TENM2: variants seen among roughly 807,000 people sequenced by gnomAD.
TENM2 encodes teneurin-2.
In TENM2, 52 loss-of-function variants were observed where a neutral mutation model predicts 245.2. That is an observed-to-expected ratio of 0.21 (90% CI 0.17 to 0.27). The LOEUF (loss-of-function observed/expected upper bound fraction) is 0.27, where lower values mean the gene tolerates loss of function less well. Ranked by LOEUF, TENM2 falls within the 10% of genes least tolerant of loss-of-function variation. The pLI, the probability that TENM2 is intolerant of heterozygous loss-of-function variation, is 1.00. For synonymous variants in TENM2, 1,363 were observed against 1,438.9 expected (o/e 0.95, Z 1.19); for missense variants, 3,046 against 3,666.8 (o/e 0.83, Z 4.37).
At chr5:167,669,672 T>G (rs998780630) in intron 2 of TENM2, among the ~76,000 whole-genome samples, 10 of 152,012 alleles carry the variant, frequency 6.6e-5, no homozygotes, top group East Asian at 1.9e-4. Context: ...AACTCCAAAT[T>G]AGAGGAAAGT....
chr5:167,775,599 T>C (rs779312145), intron 2 of TENM2, among the ~76,000 whole-genome samples: 1 of 152,196 alleles, frequency 6.6e-6, no homozygotes, highest in Non-Finnish European at 1.5e-5. Context: ...AAATAAGTAC[T>C]TCAGTCAAGG....
chr5:167,446,505 A>C (rs2127468025), intron 2 of TENM2, among the ~76,000 whole-genome samples: 1 of 152,294 alleles, frequency 6.6e-6, no homozygotes, highest in African/African-American at 2.4e-5. Flanking sequence ...AATTTCTTAT[A>C]CCATTCTAAT....
At chr5:167,568,271 C>T (rs957483073) in intron 2 of TENM2, among the ~76,000 whole-genome samples, 3 of 152,048 alleles carry the variant, frequency 2.0e-5, no homozygotes, top group African/African-American at 7.2e-5. Flanking sequence ...GGATAGCATA[C>T]ATTTAACAAA....
chr5:167,078,030 C>G, the TENM2 span, among the ~76,000 whole-genome samples: 1 of 151,044 alleles, frequency 6.6e-6, no homozygotes, highest in South Asian at 2.1e-4. Flanking sequence ...GACTAGAACA[C>G]TAAAAGATAA....
intron 4 of TENM2, among the ~76,000 whole-genome samples, chr5:167,980,955 T>C (rs926687132): frequency 1.3e-5 from 2 of 152,088 alleles, no homozygotes; most frequent in Admixed American, 1.3e-4. Flanking sequence ...TCCTTCCAGT[T>C]GCTGGTAATG....
chr5:167,631,423 T>C (rs1778864627), intron 2 of TENM2, among the ~76,000 whole-genome samples: 1 of 152,036 alleles, frequency 6.6e-6, no homozygotes, highest in African/African-American at 2.4e-5. Context: ...AAGGTCTTAG[T>C]ATAGAACCTG....
intron 10 of TENM2, among the ~76,000 whole-genome samples, chr5:168,122,202 A>C (rs1446859183): frequency 6.6e-6 from 1 of 150,812 alleles, no homozygotes; most frequent in East Asian, 2.0e-4. Context: ...TTTGAGACGG[A>C]GTCTCGCTCT....
At chr5:167,046,366 G>T in the TENM2 span, among the ~76,000 whole-genome samples, 1 of 152,188 alleles carries the variant, frequency 6.6e-6, no homozygotes, top group Admixed American at 6.5e-5. Context: ...TTGATTAAAT[G>T]GCACCATTTT....
intron 2 of TENM2, among the ~76,000 whole-genome samples, chr5:167,719,458 T>C (rs1229810483): frequency 6.6e-6 from 1 of 152,286 alleles, no homozygotes; most frequent in East Asian, 1.9e-4. Flanking sequence ...AGAAGGAAGC[T>C]TCGAACAGCT....
intron 2 of TENM2, among the ~76,000 whole-genome samples, chr5:167,593,833 C>T (rs1776032797): frequency 6.6e-6 from 1 of 152,152 alleles, no homozygotes; most frequent in Admixed American, 6.6e-5. Flanking sequence ...TTTTCACAAG[C>T]ATTCCTGGCA....
At chr5:168,132,487 G>A (rs1163365738) in intron 12 of TENM2, among the ~76,000 whole-genome samples, 3 of 152,198 alleles carry the variant, frequency 2.0e-5, no homozygotes, top group Non-Finnish European at 4.4e-5. Context: ...TCTGTGGGGA[G>A]ACAGTGATTT....
intron 12 of TENM2, among the ~76,000 whole-genome samples, chr5:168,158,880 TACAC>T (rs1206950363): frequency 1.0e-4 from 13 of 129,838 alleles, no homozygotes; most frequent in African/African-American, 2.7e-4. Flanking sequence ...TATATATGTA[TACAC>T]ACACGTATAT....
intron 5 of TENM2, among the ~76,000 whole-genome samples, chr5:168,016,456 A>T (rs1785663147): frequency 6.6e-6 from 1 of 152,218 alleles, no homozygotes; most frequent in Admixed American, 6.5e-5. Context: ...TCTTCATTTT[A>T]TTCCCACTTT....
intron 2 of TENM2, among the ~76,000 whole-genome samples, chr5:167,570,578 T>G (rs189348656): frequency 1.1e-4 from 17 of 152,108 alleles, no homozygotes; most frequent in Non-Finnish European, 1.9e-4. Context: ...AGATTCCAAG[T>G]GCATTCTTGA....
At chr5:167,821,750 A>G (rs1767546830) in intron 2 of TENM2, among the ~76,000 whole-genome samples, 1 of 152,088 alleles carries the variant, frequency 6.6e-6, no homozygotes, top group Non-Finnish European at 1.5e-5. Context: ...AGAACTCTAC[A>G]AGTCCCTTTT....
At chr5:167,944,730 T>C (rs77338388) in intron 3 of TENM2, among the ~76,000 whole-genome samples, 2,380 of 152,306 alleles carry the variant, frequency 0.016, 59 homozygotes, top group African/African-American at 0.052. Context: ...TTGAGGGTGA[T>C]GAAAATGTTC....
Position 167,950,291 on chromosome 5 carries a change from C to T in TENM2, c.713-2297C>T, listed in dbSNP as rs954077252. 3.4e-4 allele frequency among the ~76,000 whole-genome samples: 52 copies of T among 152,194 alleles called. 1 individual carries two copies. Among genetic ancestry groups the T allele is most frequent in the African/African-American group, 4.8e-5 (2 of 41,450 alleles). On this transcript the variant is annotated intron_variant, in intron 3 of 28. Transcript: ENST00000518659. Reference sequence around the variant, plus strand: ...CAAGCAACCGCAGGAATTCTGCCCACGCATAACACAGATGGACCTCACAAG... The same window carrying T: ...CAAGCAACCGCAGGAATTCTGCCCATGCATAACACAGATGGACCTCACAAG...
intron 6 of TENM2, among the ~76,000 whole-genome samples, chr5:168,050,295 C>T (rs1788962013): frequency 6.6e-6 from 1 of 152,090 alleles, no homozygotes; most frequent in Non-Finnish European, 1.5e-5. Flanking sequence ...GTTCTCTCAC[C>T]CATGCCTATT....
chr5:168,200,231 A>C, intron 17 of TENM2, 100 bp downstream of exon 19: 1 of 1,119,450 alleles, frequency 8.9e-7, no homozygotes, highest in Non-Finnish European at 1.3e-6. Context: ...GCACCATTTC[A>C]GTAGATAAGG....
Sources: allele counts gnomAD v4.1 joint callset (sites outside exome capture counted in the v4.1 genomes callset), GRCh38; gene constraint gnomAD v4.1.1; transcripts MANE v1.5; gene names NCBI Gene and HGNC (gene_info 2026-07-23, HGNC 2026-07-21).